The following INTS10 variants were observed in gnomAD, a reference collection of about 807,000 sequenced individuals.
The protein encoded by INTS10 is integrator complex subunit 10, also known as chromosome 8 open reading frame 35.
In INTS10, 44 loss-of-function variants were observed where a neutral mutation model predicts 94.4. That is an observed-to-expected ratio of 0.47 (90% CI 0.37 to 0.60). The LOEUF (loss-of-function observed/expected upper bound fraction) is 0.60. Ranked by LOEUF, INTS10 falls within the 20% of genes least tolerant of loss-of-function variation. The pLI is 0.00. For synonymous variants in INTS10, 341 were observed against 320.7 expected (o/e 1.06, Z -0.68); for missense variants, 797 against 868.7 (o/e 0.92, Z 1.04).
chr8:19,829,914 C>T (rs1427018030), intron 9 of INTS10, among the ~76,000 whole-genome samples: 1 of 152,174 alleles, frequency 6.6e-6, no homozygotes, highest in Non-Finnish European at 1.5e-5. Flanking sequence ...GTGATCTGTC[C>T]TCCTCGGCCT....
In INTS10 at chr8:19,846,038, C is replaced by T. The variant is rs201117057; in HGVS notation, c.1976+241C>T. The T allele has an allele frequency of 3.6e-5, 15 of 411,654 alleles. No individual in the cohort carries two copies. In the East Asian group the frequency reaches 6.0e-4, roughly 17 times the overall value. 25.5% of individuals were successfully genotyped at this position (411,654 alleles called of 1,614,324 possible). On this transcript the variant is annotated intron_variant, in intron 16 of 16. Coordinates refer to ENST00000397977, the MANE Select transcript of INTS10 (RefSeq NM_018142.4). This position sits in a 1 kb window ranked among gnomAD's most constrained non-coding sequence, Gnocchi z 4.2. ...TCACATTTGCAACTTTTTCACTAGA[C>T]AAAAGTCTCATTCATGATATCTTTT... is the stretch of plus-strand genomic sequence containing the variant.
intron 16 of INTS10, 158 bp downstream of exon 16, chr8:19,845,955 A>T (rs2128809953): frequency 2.0e-6 from 1 of 502,796 alleles, no homozygotes; most frequent in Non-Finnish European, 3.6e-6. Context: ...CTTTTGAAAA[A>T]CTTGCATTTC....
At chr8:19,820,178 A>G (rs983130997) in intron 3 of INTS10, among the ~76,000 whole-genome samples, 1 of 139,140 alleles carries the variant, frequency 7.2e-6, no homozygotes, top group Non-Finnish European at 1.5e-5. Context: ...AGTCTTGCAA[A>G]TATTTTACCA....
intron 9 of INTS10, among the ~76,000 whole-genome samples, chr8:19,830,153 A>G (rs1305968708): frequency 2.0e-5 from 3 of 152,238 alleles, no homozygotes; most frequent in Non-Finnish European, 2.9e-5. Context: ...AAACCACCAT[A>G]AGCAAACATA....
chr8:19,835,118 G>A (rs1336650841), intron 12 of INTS10, among the ~76,000 whole-genome samples: 2 of 151,988 alleles, frequency 1.3e-5, no homozygotes, highest in African/African-American at 4.8e-5. Context: ...AAGTCTTGGT[G>A]GACTCTTACT....
Position 19,824,823 on chromosome 8 carries a change from A to G in INTS10, c.857A>G (p.His286Arg), listed in dbSNP as rs771762397. Residue 286 changes from histidine to arginine, a missense_variant, in exon 8 of 17, where the codon CAT (histidine) becomes CGT (arginine). This residue lies in a region of INTS10 where 734 missense variants were observed against 787.8 expected (regional missense o/e 0.93). Transcript: ENST00000397977. Reference protein sequence around the residue: ...KGRRSYGDILHRMKDLCRYMN... With the variant: ...KGRRSYGDILRRMKDLCRYMN... ...TTTAGAAGCTATGGAGATATTTTGC[A>G]TAGAATGAAGGATCTCTGCAGATAC... The G allele has an allele frequency of 3.7e-6, 6 of 1,609,984 alleles. No individual in the cohort carries two copies. Among genetic ancestry groups the G allele is most frequent in the African/African-American group, 1.3e-5 (1 of 74,734 alleles).
rs534831557 is a variant in INTS10, at chr8:19,817,532, C to T, written c.-6C>T. ...TTCGGGCTGGCGGCTGGAGAGCGCT[C>T]GGGTCATGTCTGCCCAGGGGGACTG... is the stretch of plus-strand genomic sequence containing the variant. On this transcript the variant is annotated 5_prime_UTR_variant, in exon 1 of 17. Coordinates refer to ENST00000397977, the MANE Select transcript of INTS10 (RefSeq NM_018142.4). 6.9e-6 allele frequency: 11 copies of T among 1,605,006 alleles called. No homozygotes were observed. The South Asian group carries it at 7.8e-5, about 11-fold the overall frequency.
Position 19,849,815 on chromosome 8 carries a change from ATT to A in INTS10, c.1977-1833_1977-1832del, listed in dbSNP as rs1477008664. Among the ~76,000 whole-genome samples the A allele has an allele frequency of 6.6e-6, 1 of 152,212 alleles. No individual in the cohort carries two copies. The highest frequency in any genetic ancestry group is 2.4e-5 in the African/African-American group (1 of 41,448). ...GTTCTTAAACCACAAAAGCTTACTAATTCTCTTTTTCATCCAAACTTACCAAA... is the reference window on the plus strand; with the variant it reads ...GTTCTTAAACCACAAAAGCTTACTAACTCTTTTTCATCCAAACTTACCAAA... On this transcript the variant is annotated intron_variant, in intron 16 of 16. Coordinates refer to ENST00000397977, the MANE Select transcript of INTS10 (RefSeq NM_018142.4). The surrounding 1 kb of genome is among the most constrained non-coding windows in gnomAD (Gnocchi z 4.6).
intron 12 of INTS10, 83 bp downstream of exon 12, chr8:19,833,404 C>G (rs903270887): frequency 7.6e-5 from 75 of 985,806 alleles, no homozygotes; most frequent in Non-Finnish European, 9.9e-5. Flanking sequence ...GCTTTTCATT[C>G]AGTGCACGTT....
intron 1 of INTS10, 151 bp downstream of exon 1, chr8:19,817,817 C>T: frequency 2.9e-6 from 3 of 1,033,474 alleles, no homozygotes; most frequent in Non-Finnish European, 4.2e-6. Context: ...CCTCTCTCCC[C>T]TCCCATCCTA....
chr8:19,834,221 G>A (rs1275798871), intron 12 of INTS10, among the ~76,000 whole-genome samples: 1 of 152,046 alleles, frequency 6.6e-6, no homozygotes, highest in African/African-American at 2.4e-5. Flanking sequence ...TAAACTCAAG[G>A]CCACAGCATA....
At chr8:19,848,947 T>G (rs928440962) in intron 16 of INTS10, 1 of 242,812 alleles carries the variant, frequency 4.1e-6, no homozygotes, top group Non-Finnish European at 8.8e-6. Flanking sequence ...CTGAGACGCC[T>G]CTGGACACGC....
chr8:19,835,487 C>A (rs2067579291), intron 12 of INTS10, among the ~76,000 whole-genome samples: 1 of 152,190 alleles, frequency 6.6e-6, no homozygotes, highest in Admixed American at 6.5e-5. Flanking sequence ...TGATAGTCCT[C>A]AGTCATAGGC....
chr8:19,842,268 A>G, intron 13 of INTS10, among the ~76,000 whole-genome samples: 1 of 152,218 alleles, frequency 6.6e-6, no homozygotes, highest in African/African-American at 2.4e-5. Context: ...CAGTTGATAA[A>G]TCTGAACCAC....
At chr8:19,847,687 A>G (rs935165607) in intron 16 of INTS10, among the ~76,000 whole-genome samples, 2 of 152,184 alleles carry the variant, frequency 1.3e-5, no homozygotes, top group Non-Finnish European at 2.9e-5. Flanking sequence ...TGAACCTCAG[A>G]CTTCATTGTA....
intron 5 of INTS10, among the ~76,000 whole-genome samples, chr8:19,822,819 G>A (rs569813506): frequency 4.6e-5 from 7 of 152,010 alleles, no homozygotes; most frequent in Middle Eastern, 3.4e-3. Flanking sequence ...GCATGGTGGC[G>A]CACGCCTGTA....
chr8:19,851,879 G>C lies in INTS10; in HGVS notation c.*74G>C. ...GAAGACACTCAGCAGTGATTGCCAT[G>C]GCACAGAGCCGTGGTCATTGTTGCT... On this transcript the variant is annotated 3_prime_UTR_variant, in exon 17 of 17. Coordinates refer to ENST00000397977, the MANE Select transcript of INTS10 (RefSeq NM_018142.4). The surrounding 1 kb of genome is among the most constrained non-coding windows in gnomAD (Gnocchi z 5.0). 1 of 1,341,688 alleles carries C rather than the reference G, an allele frequency of 7.5e-7. No homozygotes were observed. The highest frequency in any genetic ancestry group is 1.1e-6 in the Non-Finnish European group (1 of 944,564). 83.1% of individuals were successfully genotyped at this position (1,341,688 alleles called of 1,614,324 possible). A position where few individuals can be genotyped will look rare whatever the true frequency, so the allele number is the denominator to read the frequency against.
intron 13 of INTS10, among the ~76,000 whole-genome samples, chr8:19,838,926 G>A (rs1015258541): frequency 2.0e-5 from 3 of 152,046 alleles, no homozygotes; most frequent in African/African-American, 7.2e-5. Flanking sequence ...CAAAAAATTA[G>A]CCAGGCCTGG....
At chr8:19,842,183 A>G (rs2068185827) in intron 13 of INTS10, among the ~76,000 whole-genome samples, 1 of 152,238 alleles carries the variant, frequency 6.6e-6, no homozygotes, top group South Asian at 2.1e-4. Context: ...TATCCTCTGT[A>G]AAAGGAATGC....
Sources: allele counts gnomAD v4.1 joint callset (sites outside exome capture counted in the v4.1 genomes callset), GRCh38; gene constraint gnomAD v4.1.1; regional missense constraint gnomAD v4.1.1; non-coding constraint Gnocchi (gnomAD v3.1); transcripts MANE v1.5; gene names NCBI Gene and HGNC (gene_info 2026-07-23, HGNC 2026-07-21).